The following ATG7 variants were observed in gnomAD, a reference collection of about 807,000 sequenced individuals.
The protein encoded by ATG7 is autophagy related 7.
A neutral mutation model predicts 82.4 loss-of-function variants in ATG7; 70 were observed. The observed-to-expected ratio is 0.85, with a 90% CI of 0.70 to 1.04. The LOEUF (loss-of-function observed/expected upper bound fraction) is 1.04, where lower values mean the gene tolerates loss of function less well. ATG7 is among the 50% of genes least tolerant of loss of function. The pLI is 0.00. For synonymous variants in ATG7, 287 were observed against 313.0 expected (o/e 0.92, Z 0.88); for missense variants, 792 against 864.3 (o/e 0.92, Z 1.05).
intron 20 of ATG7, among the ~76,000 whole-genome samples, chr3:11,450,567 A>G (rs564123813): frequency 6.4e-4 from 97 of 152,322 alleles, no homozygotes; most frequent in African/African-American, 2.2e-3. Context: ...CCATAAGTAC[A>G]TGGGAGACAA....
intron 13 of ATG7, among the ~76,000 whole-genome samples, chr3:11,346,825 A>G (rs1019829427): frequency 1.3e-5 from 2 of 152,264 alleles, no homozygotes; most frequent in Non-Finnish European, 2.9e-5. Flanking sequence ...AAAGGTTACC[A>G]GTGGGCTTCA....
chr3:11,316,606 T>C (rs1172608715), intron 9 of ATG7, among the ~76,000 whole-genome samples: 4 of 152,234 alleles, frequency 2.6e-5, no homozygotes, highest in Non-Finnish European at 5.9e-5. Context: ...TTTTGTGCCA[T>C]ATTAGACTGT....
At chr3:11,345,177 G>A (rs914907463) in intron 13 of ATG7, among the ~76,000 whole-genome samples, 1 of 151,938 alleles carries the variant, frequency 6.6e-6, no homozygotes, top group Non-Finnish European at 1.5e-5. Context: ...AGGCCGAGGC[G>A]GGCGGATCAT....
chr3:11,456,269 C>T (rs768497808), intron 20 of ATG7, among the ~76,000 whole-genome samples: 10 of 152,188 alleles, frequency 6.6e-5, no homozygotes, highest in Non-Finnish European at 1.3e-4. Context: ...GCATCTTCCA[C>T]TTAACATGCT....
At chr3:11,489,896 A>C (rs1328344997) in intron 20 of ATG7, among the ~76,000 whole-genome samples, 1 of 151,896 alleles carries the variant, frequency 6.6e-6, no homozygotes, top group South Asian at 2.1e-4. Context: ...TTTACTTCCA[A>C]GTATGTGGTC....
rs1478929966 is a variant in ATG7 at position 11,431,850 on chromosome 3, T to TTATATTTATATAAAGGAATTTATATA, written c.2079+4936_2079+4937insAAGGAATTTATATATATATTTATATA. On this transcript the variant is annotated intron_variant, in intron 20 of 20. Transcript: ENST00000693202. ...ATCCAACTAGAGACTACAAATTCCT[T>TTATATTTATATAAAGGAATTTATATA]TATATTTATATAGAAAGGGGCACAT... Among the ~76,000 whole-genome samples, 4 of 152,298 alleles carry TTATATTTATATAAAGGAATTTATATA rather than the reference T, an allele frequency of 2.6e-5. 1 individual carries two copies. The highest frequency in any genetic ancestry group is 9.6e-5 in the African/African-American group (4 of 41,572).
At chr3:11,423,809 C>T (rs940306704) in intron 19 of ATG7, among the ~76,000 whole-genome samples, 15 of 152,172 alleles carry the variant, frequency 9.9e-5, no homozygotes, top group Non-Finnish European at 2.9e-5. Context: ...GTGGTGCTCA[C>T]CAGCCCCTCA....
At chr3:11,573,378 A>G in the ATG7 span, among the ~76,000 whole-genome samples, 3 of 147,072 alleles carry the variant, frequency 2.0e-5, no homozygotes, top group African/African-American at 5.2e-5. Context: ...AAAGAAAGAA[A>G]GAAAGAAAGA....
chr3:11,426,714 T>G, intron 19 of ATG7, 90 bp from the exon 20 acceptor site: 1 of 1,268,126 alleles, frequency 7.9e-7, no homozygotes, highest in Non-Finnish European at 1.0e-6. Flanking sequence ...TTTAATTTTA[T>G]TTTTGACAAG....
intron 19 of ATG7, among the ~76,000 whole-genome samples, chr3:11,402,789 AT>A (rs1225697232): frequency 6.6e-6 from 1 of 152,142 alleles, no homozygotes; most frequent in South Asian, 2.1e-4. Flanking sequence ...TTTTTTAACA[AT>A]TTTTTTAATG....
chr3:11,428,074 T>C (rs2082530052), intron 20 of ATG7, among the ~76,000 whole-genome samples: 1 of 152,234 alleles, frequency 6.6e-6, no homozygotes, highest in Non-Finnish European at 1.5e-5. Context: ...GGTAGTGCAC[T>C]TGCCATTAGT....
chr3:11,478,391 A>G (rs531549404), intron 20 of ATG7, among the ~76,000 whole-genome samples: 2 of 152,314 alleles, frequency 1.3e-5, no homozygotes, highest in South Asian at 2.1e-4. Context: ...CCAAACACCC[A>G]TTAATGGTGT....
At chr3:11,358,359 C>A in intron 14 of ATG7, 59 bp from the exon 15 acceptor site, 1 of 1,519,244 alleles carries the variant, frequency 6.6e-7, no homozygotes, top group Admixed American at 1.9e-5. Flanking sequence ...GAAGTGTGGG[C>A]TCTGAGATAT....
intron 19 of ATG7, among the ~76,000 whole-genome samples, chr3:11,420,228 AC>A (rs2152930729): frequency 6.6e-6 from 1 of 152,340 alleles, no homozygotes; most frequent in East Asian, 1.9e-4. Flanking sequence ...ATACTGGAGA[AC>A]CCTTACATGA....
intron 20 of ATG7, among the ~76,000 whole-genome samples, chr3:11,521,916 C>T (rs1234201640): frequency 6.6e-6 from 1 of 152,076 alleles, no homozygotes; most frequent in African/African-American, 2.4e-5. Flanking sequence ...CCGCCGCTGC[C>T]GACAACAATA....
At chr3:11,429,464 C>T (rs1204077480) in intron 20 of ATG7, among the ~76,000 whole-genome samples, 1 of 152,004 alleles carries the variant, frequency 6.6e-6, no homozygotes, top group East Asian at 1.9e-4. Context: ...CCACTGCACT[C>T]CAGCCTGGGC....
At chr3:11,369,625 G>C (rs944972200) in intron 18 of ATG7, among the ~76,000 whole-genome samples, 1 of 151,192 alleles carries the variant, frequency 6.6e-6, no homozygotes, top group Non-Finnish European at 1.5e-5. Flanking sequence ...TACAAGGAAG[G>C]ATCCGGGTAT....
chr3:11,380,037 A>T lies in ATG7; in HGVS notation c.1941A>T (p.Thr647=), dbSNP rs912719377. The part of the protein sequence containing the change: ...LPVSLAFDKC[T]ACSSKVLDQY... Reference sequence around the variant, plus strand: ...TCAGCCTGGCATTTGACAAATGTACAGCTTGTTCTTCCAAAGTAAGTCATT... The same window carrying T: ...TCAGCCTGGCATTTGACAAATGTACTGCTTGTTCTTCCAAAGTAAGTCATT... Residue 647 remains threonine (T), a synonymous_variant, in exon 19 of 21, where the codon ACA becomes ACT. Transcript: ENST00000693202. 1.2e-5 allele frequency: 20 copies of T among 1,614,010 alleles called. No homozygotes were observed. The highest frequency in any genetic ancestry group is 1.6e-5 in the Non-Finnish European group (19 of 1,179,868).
At chr3:11,516,767 C>T (rs2092294542) in intron 20 of ATG7, among the ~76,000 whole-genome samples, 1 of 152,130 alleles carries the variant, frequency 6.6e-6, no homozygotes. Context: ...CCATTAAAGA[C>T]ATGGAGAAAG....
Sources: gnomAD v4.1 joint callset for allele counts (sites outside exome capture counted in the v4.1 genomes callset) on GRCh38, gnomAD v4.1.1 for gene constraint, MANE v1.5 for transcripts, NCBI Gene and HGNC (gene_info 2026-07-23, HGNC 2026-07-21) for gene names.